The following UBE3C variants were observed in gnomAD, a reference collection of about 807,000 sequenced individuals.
UBE3C encodes the protein ubiquitin protein ligase E3C.
Under a neutral mutation model 129.4 loss-of-function variants are expected in UBE3C, and 42 were observed. The observed-to-expected ratio is 0.32, with a 90% CI of 0.25 to 0.42. The LOEUF is 0.42. Ranked by LOEUF, UBE3C falls within the 10% of genes least tolerant of loss-of-function variation. UBE3C has a pLI of 1.00. For synonymous variants in UBE3C, 510 were observed against 492.4 expected (o/e 1.04, Z -0.47); for missense variants, 1,049 against 1,319.1 (o/e 0.80, Z 3.17).
chr7:157,163,308 A>T (rs1808123291), intron 1 of UBE3C, among the ~76,000 whole-genome samples: 1 of 149,230 alleles, frequency 6.7e-6, no homozygotes, highest in Non-Finnish European at 1.5e-5. Flanking sequence ...AATGGCGTGA[A>T]CCCGGGAGGC....
intron 2 of UBE3C, among the ~76,000 whole-genome samples, chr7:157,167,810 A>T (rs1160639346): frequency 6.6e-6 from 1 of 152,048 alleles, no homozygotes; most frequent in Admixed American, 6.5e-5. Flanking sequence ...TGCTGGGATT[A>T]CAGGCATGAG....
chr7:157,151,022 G>A (rs748884815), intron 1 of UBE3C, among the ~76,000 whole-genome samples: 8 of 152,170 alleles, frequency 5.3e-5, no homozygotes, highest in Admixed American at 1.3e-4. Flanking sequence ...CTGGCCTCCC[G>A]CTAAGCTGCT....
chr7:157,181,678 C>T lies in UBE3C; in HGVS notation c.770+7C>T. Reference sequence around the variant, plus strand: ...CCTGTCCGGAAGGTGCGAGGTGAGACTGGAATGGATTTATTGATTTTGTCC... The same window carrying T: ...CCTGTCCGGAAGGTGCGAGGTGAGATTGGAATGGATTTATTGATTTTGTCC... On this transcript the variant is annotated splice_region_variant and intron_variant, in intron 7 of 22. Coordinates refer to ENST00000348165, the MANE Select transcript of UBE3C (RefSeq NM_014671.3). 1.2e-6 allele frequency: 2 copies of T among 1,611,868 alleles called. No individual in the cohort carries two copies. Among genetic ancestry groups the T allele is most frequent in the Non-Finnish European group, 1.7e-6 (2 of 1,179,500 alleles).
chr7:157,168,643 C>T (rs180693769), intron 2 of UBE3C, among the ~76,000 whole-genome samples: 21 of 152,302 alleles, frequency 1.4e-4, no homozygotes, highest in Admixed American at 3.3e-4. Context: ...CTCACATATG[C>T]TGTAACATAG....
At chr7:157,244,422 G>GT (rs1046166343) in intron 18 of UBE3C, among the ~76,000 whole-genome samples, 46 of 151,960 alleles carry the variant, frequency 3.0e-4, no homozygotes, top group African/African-American at 1.0e-3. Flanking sequence ...TTTCTTTTTT[G>GT]TTTTTTAAAT....
chr7:157,200,058 T>TA (rs1393272570), intron 10 of UBE3C, among the ~76,000 whole-genome samples: 1 of 152,206 alleles, frequency 6.6e-6, no homozygotes, highest in East Asian at 1.9e-4. Context: ...AAAATCATAA[T>TA]ACTTCTGAGC....
chr7:157,260,200 A>G (rs917483316), intron 22 of UBE3C, among the ~76,000 whole-genome samples: 1 of 152,126 alleles, frequency 6.6e-6, no homozygotes, highest in African/African-American at 2.4e-5. Context: ...GGGAAGTAAC[A>G]TTCAGAATCG....
intron 8 of UBE3C, among the ~76,000 whole-genome samples, chr7:157,182,780 C>T (rs746603801): frequency 1.5e-4 from 23 of 152,020 alleles, no homozygotes; most frequent in Non-Finnish European, 3.2e-4. Flanking sequence ...TATAGAGTCT[C>T]GCTCTGTCAC....
At position 157,199,247 on chromosome 7, in the gene UBE3C, G is replaced by A. The variant is rs139151219; in HGVS notation, c.1332-2474G>A. On this transcript the variant is annotated intron_variant, in intron 10 of 22. Transcript: ENST00000348165. Reference sequence around the variant, plus strand: ...CCTTTTCAAATTATTTTGAAAGTTCGTATTTTTCGTAGCTTTTTTCTTACT... The same window carrying A: ...CCTTTTCAAATTATTTTGAAAGTTCATATTTTTCGTAGCTTTTTTCTTACT... 2.0e-4 allele frequency among the ~76,000 whole-genome samples: 31 copies of A among 152,190 alleles called. No individual in the cohort carries two copies. The East Asian group carries it at 5.6e-3, about 27-fold the overall frequency.
chr7:157,188,972 CT>C, intron 10 of UBE3C: 1 of 653,638 alleles, frequency 1.5e-6, no homozygotes, highest in African/African-American at 1.8e-5. Flanking sequence ...ATGTGGAGAC[CT>C]TTGTACCCTG....
chr7:157,154,167 A>C (rs75088001), intron 1 of UBE3C, among the ~76,000 whole-genome samples: 28,004 of 151,828 alleles, frequency 0.18, 2,761 homozygotes, highest in East Asian at 0.35. Context: ...CTAAAAATGC[A>C]AAAATTAGCC....
intron 9 of UBE3C, 88 bp from the exon 10 acceptor site, chr7:157,186,746 G>T (rs1808816948): frequency 2.7e-6 from 4 of 1,488,552 alleles, no homozygotes; most frequent in Non-Finnish European, 3.6e-6. Flanking sequence ...TTTGCCCGAA[G>T]AAAAATGTGA....
Position 157,178,733 on chromosome 7 carries a change from C to G in UBE3C, c.502C>G (p.Pro168Ala). The part of the protein sequence containing the change: ...CNDDSLNVAL[P>A]MRMLEVFSSE... ...TGATGACAGTTTGAATGTTGCACTT[C>G]CAATGAGAATGCTTGAAGTATTTTC... The change falls in exon 6 of 23, where the codon CCA (proline) becomes GCA (alanine). Residue 168 changes from proline to alanine, a missense_variant. By Grantham distance (27) the Pro-to-Ala change is conservative. This residue lies in a region of UBE3C where 489 missense variants were observed against 513.8 expected (regional missense o/e 0.95). Coordinates refer to ENST00000348165, the MANE Select transcript of UBE3C (RefSeq NM_014671.3). 6.2e-7 allele frequency: 1 copy of G among 1,614,122 alleles called. No individual in the cohort carries two copies. Among genetic ancestry groups the G allele is most frequent in the Middle Eastern group, 1.7e-4 (1 of 6,058 alleles).
At chr7:157,145,801 A>G (rs1807588491) in intron 1 of UBE3C, among the ~76,000 whole-genome samples, 1 of 152,052 alleles carries the variant, frequency 6.6e-6, no homozygotes, top group African/African-American at 2.4e-5. Flanking sequence ...AGAATAATTG[A>G]TGGGAAACTA....
rs1586672947 is a variant in UBE3C at position 157,186,957 on chromosome 7, A to G, written c.1267A>G (p.Thr423Ala). 1.2e-6 allele frequency: 2 copies of G among 1,613,596 alleles called. No individual in the cohort carries two copies. The highest frequency in any genetic ancestry group is 1.7e-6 in the Non-Finnish European group (2 of 1,179,800). Reference protein sequence around the residue: ...WRDSASEEVFTTMASVCHTLM... With the variant: ...WRDSASEEVFATMASVCHTLM... Reference sequence around the variant, plus strand: ...GGACTCTGCGAGCGAGGAGGTCTTCACCACCATGGCCTCCGTCTGCCACAC... The same window carrying G: ...GGACTCTGCGAGCGAGGAGGTCTTCGCCACCATGGCCTCCGTCTGCCACAC... Residue 423 changes from threonine to alanine, a missense_variant, in exon 10 of 23, where the codon ACC (threonine) becomes GCC (alanine). By Grantham distance (58) the Thr-to-Ala change is moderately conservative (BLOSUM62 0). Around this residue, in one of 4 missense-constraint regions of UBE3C, gnomAD observed 489 missense variants for 513.8 expected, o/e 0.95. Coordinates refer to ENST00000348165, the MANE Select transcript of UBE3C (RefSeq NM_014671.3).
In UBE3C at chr7:157,263,663, CAAAAA is replaced by C. The variant is rs375631649; in HGVS notation, c.3082-3910_3082-3906del. Among the ~76,000 whole-genome samples, 30 of 76,276 alleles carry C rather than the reference CAAAAA, an allele frequency of 3.9e-4. No homozygotes were observed. The East Asian group carries it at 5.5e-3, about 14-fold the overall frequency. The allele number at this position is 76,276 out of a possible 152,430, so 50.0% of individuals were successfully genotyped here. On this transcript the variant is annotated intron_variant, in intron 22 of 22. Transcript: ENST00000348165. ...TTGTTGAGAGAGCAAGACGCCAACT[CAAAAA>C]AAAAAAAAAAAGTCTAGCAAGTATT...
chr7:157,170,414 G>GT lies in UBE3C; in HGVS notation c.313dup (p.Tyr105LeufsTer5). 9 of 1,564,510 alleles carry GT rather than the reference G, an allele frequency of 5.8e-6. No homozygotes were observed. The highest frequency in any genetic ancestry group is 2.4e-5 in the South Asian group (2 of 83,042). On this transcript the variant is annotated frameshift_variant, in exon 4 of 23. Coordinates refer to ENST00000348165, the MANE Select transcript of UBE3C (RefSeq NM_014671.3). LOFTEE classifies it high-confidence loss of function. ...TTACCCTTTTGGTAAGGCAGCTTCTGTTTTTTTACAAACAAAATGAAGACT... is the reference window on the plus strand; with the variant it reads ...TTACCCTTTTGGTAAGGCAGCTTCTGTTTTTTTTACAAACAAAATGAAGACT...
intron 9 of UBE3C, among the ~76,000 whole-genome samples, chr7:157,186,296 C>G (rs954254818): frequency 3.3e-5 from 5 of 151,514 alleles, no homozygotes; most frequent in African/African-American, 1.2e-4. Flanking sequence ...TGGAGGCGGG[C>G]AAGTCCCAGC....
Position 157,139,293 on chromosome 7 carries a change from C to T in UBE3C, c.21C>T (p.Asp7=). The T allele has an allele frequency of 2.5e-6, 4 of 1,583,098 alleles. No homozygotes were observed. Among genetic ancestry groups the T allele is most frequent in the Non-Finnish European group, 3.4e-6 (4 of 1,171,746 alleles). Residue 7 remains aspartate (D), a synonymous_variant, in exon 1 of 23, where the codon GAC becomes GAT. Transcript: ENST00000348165. The part of the protein sequence containing the change: MFSFEG[D]FKTRPKVSLG... ...CCAGGATGTTCAGCTTCGAAGGCGACTTCAAGACGCGGCCCAAGGTGTCCC... is the reference window on the plus strand; with the variant it reads ...CCAGGATGTTCAGCTTCGAAGGCGATTTCAAGACGCGGCCCAAGGTGTCCC...
Sources: allele counts gnomAD v4.1 joint callset (sites outside exome capture counted in the v4.1 genomes callset), GRCh38; gene constraint gnomAD v4.1.1; regional missense constraint gnomAD v4.1.1; transcripts MANE v1.5; gene names NCBI Gene and HGNC (gene_info 2026-07-23, HGNC 2026-07-21).